IFT52: variants seen among roughly 807,000 people sequenced by gnomAD.
IFT52 encodes intraflagellar transport protein 52 homolog.
In IFT52, 44 loss-of-function variants were observed where a neutral mutation model predicts 54.4. The ratio of observed to expected loss-of-function variants is 0.81; its 90% confidence interval spans 0.63 to 1.04. The LOEUF (loss-of-function observed/expected upper bound fraction) is 1.04, where lower values mean the gene tolerates loss of function less well. Ranked by LOEUF, IFT52 falls within the 50% of genes least tolerant of loss-of-function variation. The pLI, the probability that IFT52 is intolerant of heterozygous loss-of-function variation, is 0.00. For synonymous variants in IFT52, 181 were observed against 185.3 expected (o/e 0.98, Z 0.19); for missense variants, 452 against 523.6 (o/e 0.86, Z 1.33).
chr20:43,632,871 C>T (rs1448128915), intron 10 of IFT52, among the ~76,000 whole-genome samples: 1 of 152,102 alleles, frequency 6.6e-6, no homozygotes, highest in African/African-American at 2.4e-5. Flanking sequence ...AAACAAAAAG[C>T]TTATTTAGGA....
At chr20:43,642,245 C>G (rs898093125) in intron 12 of IFT52, 10 of 426,398 alleles carry the variant, frequency 2.3e-5, no homozygotes, top group Non-Finnish European at 4.1e-5. Flanking sequence ...AATAGGAAAG[C>G]CAGTACCAGT....
rs1013823226 is a variant in IFT52 at position 43,607,576 on chromosome 20, G to A, written c.485+2503G>A. ...CTCCCCACATCTCAGACGATGGGCG[G>A]CCGGGCAGAGATGCTCCGCACTTCC... On this transcript the variant is annotated intron_variant, in intron 6 of 13. Coordinates refer to ENST00000373030, the MANE Select transcript of IFT52 (RefSeq NM_016004.5). 4.0e-5 allele frequency among the ~76,000 whole-genome samples: 6 copies of A among 148,244 alleles called. No homozygotes were observed. The South Asian group carries it at 1.1e-3, about 27-fold the overall frequency.
At chr20:43,620,654 T>C (rs1232385997) in intron 8 of IFT52, among the ~76,000 whole-genome samples, 2 of 152,166 alleles carry the variant, frequency 1.3e-5, no homozygotes. Flanking sequence ...AGACTCTGTC[T>C]CAAAAATAAA....
chr20:43,593,493 A>G (rs1413887887), intron 1 of IFT52, among the ~76,000 whole-genome samples: 2 of 152,226 alleles, frequency 1.3e-5, no homozygotes, highest in Admixed American at 6.5e-5. Context: ...ATATTTGATA[A>G]AAGATGTCAG....
chr20:43,591,588 G>A (rs949738876), intron 1 of IFT52, among the ~76,000 whole-genome samples: 4 of 152,136 alleles, frequency 2.6e-5, no homozygotes, highest in African/African-American at 9.7e-5. Flanking sequence ...GTGGGACCAT[G>A]GAGGGGGCAG....
At chr20:43,625,517 T>C (rs536072241) in intron 10 of IFT52, among the ~76,000 whole-genome samples, 3 of 149,736 alleles carry the variant, frequency 2.0e-5, no homozygotes, top group Non-Finnish European at 3.0e-5. Context: ...AAAAAAAAAA[T>C]AGGGTGATCA....
intron 6 of IFT52, among the ~76,000 whole-genome samples, chr20:43,609,119 A>G (rs1046238300): frequency 6.6e-6 from 1 of 151,248 alleles, no homozygotes; most frequent in African/African-American, 2.4e-5. Flanking sequence ...GCACACACCC[A>G]TAGGCCCAGC....
At chr20:43,619,819 A>G (rs1411180184) in intron 8 of IFT52, among the ~76,000 whole-genome samples, 3 of 150,756 alleles carry the variant, frequency 2.0e-5, no homozygotes, top group African/African-American at 7.3e-5. Context: ...TATAATTGTT[A>G]TATTGGGAGA....
At chr20:43,615,467 A>G (rs1226093625) in intron 7 of IFT52, among the ~76,000 whole-genome samples, 2 of 151,626 alleles carry the variant, frequency 1.3e-5, no homozygotes, top group African/African-American at 2.4e-5. Flanking sequence ...GAACAATCCT[A>G]TTTTTCTTTG....
At chr20:43,614,003 A>C in intron 7 of IFT52, 27 bp downstream of exon 7, 1 of 1,573,782 alleles carries the variant, frequency 6.4e-7, no homozygotes, top group Non-Finnish European at 8.6e-7. Flanking sequence ...ATATGGGTAT[A>C]GATGTTATTT....
intron 10 of IFT52, among the ~76,000 whole-genome samples, chr20:43,632,009 T>A (rs922944379): frequency 2.0e-5 from 3 of 147,516 alleles, no homozygotes; most frequent in African/African-American, 7.5e-5. Flanking sequence ...CACCACAACC[T>A]CCGCCTCCTG....
rs1463335991 is a variant in IFT52 at position 43,637,168 on chromosome 20, G to A, written c.1035G>A (p.Glu345=). The A allele has an allele frequency of 6.2e-7, 1 of 1,612,230 alleles. No homozygotes were observed. The highest frequency in any genetic ancestry group is 1.3e-5 in the African/African-American group (1 of 74,782). ...QPAVFPPSFR[E]LPPPPLELFD... ...AGGTTTTTCCTCCCAGTTTCCGGGA[G>A]TTACCACCTCCTCCTCTGGAGCTAT... The change falls in exon 12 of 14, where the codon GAG becomes GAA. Residue 345 remains glutamate, a synonymous_variant. Transcript: ENST00000373030.
At chr20:43,641,145 T>G (rs1985893399) in intron 12 of IFT52, among the ~76,000 whole-genome samples, 1 of 151,908 alleles carries the variant, frequency 6.6e-6, no homozygotes, top group Admixed American at 6.6e-5. Flanking sequence ...CACAGAGCTA[T>G]GTTGTTGGTG....
At chr20:43,627,857 A>G (rs538922211) in intron 10 of IFT52, among the ~76,000 whole-genome samples, 1 of 148,220 alleles carries the variant, frequency 6.7e-6, no homozygotes, top group East Asian at 2.0e-4. Flanking sequence ...GTGAGCCACC[A>G]TTCCCAGCCT....
At chr20:43,605,199 A>G (rs1982764362) in intron 6 of IFT52, 126 bp downstream of exon 6, 1 of 1,472,366 alleles carries the variant, frequency 6.8e-7, no homozygotes, top group Non-Finnish European at 9.0e-7. Flanking sequence ...AAGAGGAAAA[A>G]AGTAGAAGCT....
intron 1 of IFT52, among the ~76,000 whole-genome samples, chr20:43,591,612 C>A (rs1344454849): frequency 6.6e-6 from 1 of 151,800 alleles, no homozygotes; most frequent in African/African-American, 2.4e-5. Context: ...TTCAACTGGA[C>A]AAAATGATGT....
intron 3 of IFT52, among the ~76,000 whole-genome samples, chr20:43,596,736 CTTTTT>C (rs59960911): frequency 2.6e-5 from 2 of 75,916 alleles, no homozygotes; most frequent in African/African-American, 9.8e-5. Context: ...AGCCACACTT[CTTTTT>C]TTTTTTTTTT....
intron 12 of IFT52, among the ~76,000 whole-genome samples, chr20:43,639,120 T>G (rs768227894): frequency 4.0e-5 from 6 of 151,274 alleles, no homozygotes; most frequent in South Asian, 2.1e-4. Flanking sequence ...AAAAAAGATA[T>G]AGATATTAAT....
chr20:43,623,826 T>C, intron 9 of IFT52, 65 bp from the exon 10 acceptor site: 1 of 1,526,118 alleles, frequency 6.6e-7, no homozygotes, highest in Non-Finnish European at 8.9e-7. Context: ...CCTGAGACAG[T>C]GGAGACTTGA....
Sources: gnomAD v4.1 joint callset for allele counts (sites outside exome capture counted in the v4.1 genomes callset) on GRCh38, gnomAD v4.1.1 for gene constraint, MANE v1.5 for transcripts, NCBI Gene and HGNC (gene_info 2026-07-23, HGNC 2026-07-21) for gene names.